The following KANK1 variants were observed in gnomAD, a reference collection of about 807,000 sequenced individuals.
KANK1 encodes KN motif and ankyrin repeat domain-containing protein 1.
KANK1 carries 109 observed loss-of-function variants against 106.2 expected under a neutral mutation model. The observed-to-expected ratio is 1.03, with a 90% CI of 0.88 to 1.20. The LOEUF is 1.20. KANK1 is among the 50% of genes most tolerant of loss of function. The probability of loss-of-function intolerance (pLI) is 0.00; values close to 1 mark genes in which losing one functional copy is unlikely to be tolerated. For missense variants in KANK1, 2,399 were observed against 1,710.7 expected (o/e 1.40, Z -7.10); for synonymous variants, 873 against 652.2 (o/e 1.34, Z -5.16).
chr9:489,200 T>G (rs2058341014), intron 3 of KANK1: 1 of 152,140 alleles, frequency 6.6e-6, no homozygotes, highest in Non-Finnish European at 1.5e-5. Context: ...TTTTCAAAAT[T>G]CATAGGCCTG....
At chr9:613,423 G>A (rs1439009174) in intron 1 of KANK1, among the ~76,000 whole-genome samples, 2 of 151,754 alleles carry the variant, frequency 1.3e-5, no homozygotes, top group Non-Finnish European at 2.9e-5. Context: ...AGCTTTGAAT[G>A]CAGCCCAACA....
chr9:669,231 C>G (rs959430675), intron 1 of KANK1, among the ~76,000 whole-genome samples: 2 of 152,070 alleles, frequency 1.3e-5, no homozygotes, highest in African/African-American at 4.8e-5. Context: ...TTATGGGTAA[C>G]TTATGGGTGG....
At chr9:537,095 A>G (rs1042066630) in intron 1 of KANK1, among the ~76,000 whole-genome samples, 3 of 152,188 alleles carry the variant, frequency 2.0e-5, no homozygotes, top group African/African-American at 7.2e-5. Context: ...GAAATTAAGA[A>G]CTAAAACTAA....
intron 1 of KANK1, among the ~76,000 whole-genome samples, chr9:676,150 T>G (rs34147505): frequency 0.17 from 26,237 of 152,172 alleles, 2,440 homozygotes; most frequent in East Asian, 0.24. Flanking sequence ...CTTTGTGACC[T>G]GTATCTTGTG....
chr9:665,770 T>G (rs1027801245), intron 1 of KANK1, among the ~76,000 whole-genome samples: 2 of 152,228 alleles, frequency 1.3e-5, no homozygotes, highest in African/African-American at 4.8e-5. Flanking sequence ...TTTAACAATA[T>G]TCTTTCAATC....
chr9:485,822 G>T (rs1441540592), intron 3 of KANK1, among the ~76,000 whole-genome samples: 1 of 148,072 alleles, frequency 6.8e-6, no homozygotes, highest in African/African-American at 2.5e-5. Context: ...AGTGAGCCAA[G>T]ATCGTGTCAC....
rs12001430 is a variant in KANK1, at chr9:495,053, A to C, written c.-362+21780A>C. Among the ~76,000 whole-genome samples, 1,274 of 152,340 alleles carry C rather than the reference A, an allele frequency of 8.4e-3. 17 individuals carry two copies. Among genetic ancestry groups the C allele is most frequent in the African/African-American group, 0.028 (1,164 of 41,580 alleles). On this transcript the variant is annotated intron_variant, in intron 3 of 15. Transcript: ENST00000382303. ...CTAGGTGAACTTACTTGTTTAGATA[A>C]TAACTTTCTAGAATTCTGTGTGTTT...
chr9:651,125 C>T (rs1025376651), intron 1 of KANK1, among the ~76,000 whole-genome samples: 1 of 152,018 alleles, frequency 6.6e-6, no homozygotes, highest in African/African-American at 2.4e-5. Context: ...TTTTCGGAAC[C>T]CCTTCAATTG....
Position 629,799 on chromosome 9 carries a change from A to G in KANK1, c.-83-47091A>G, listed in dbSNP as rs146966113. On this transcript the variant is annotated intron_variant, in intron 1 of 11. Transcript: ENST00000382297. The stretch of plus-strand genomic sequence containing the variant: ...AGAGAGGAGAATTAGACGAATGGGC[A>G]CCCCAATCAGTGATTCAGGGAGAGG... Among the ~76,000 whole-genome samples the G allele has an allele frequency of 9.4e-3, 1,427 of 152,296 alleles. 28 individuals carry two copies. Among genetic ancestry groups the G allele is most frequent in the African/African-American group, 0.033 (1,363 of 41,554 alleles).
At chr9:687,605 C>T (rs2139323057) in intron 2 of KANK1, among the ~76,000 whole-genome samples, 1 of 152,182 alleles carries the variant, frequency 6.6e-6, no homozygotes, top group Admixed American at 6.5e-5. Flanking sequence ...CAGCCCCACC[C>T]TGCCCTGTTC....
At chr9:630,112 G>C (rs761242957) in intron 1 of KANK1, among the ~76,000 whole-genome samples, 2 of 152,154 alleles carry the variant, frequency 1.3e-5, no homozygotes, top group Admixed American at 6.5e-5. Context: ...AGCAGACGTG[G>C]TGGCATGTGC....
chr9:731,531 C>T (rs530072213), intron 5 of KANK1: 30 of 279,088 alleles, frequency 1.1e-4, no homozygotes, highest in Admixed American at 1.5e-4. Context: ...TAGTCTTCAG[C>T]GAACGCAGCA....
chr9:620,105 C>T (rs1401568547), intron 1 of KANK1, among the ~76,000 whole-genome samples: 1 of 150,912 alleles, frequency 6.6e-6, no homozygotes, highest in Non-Finnish European at 1.5e-5. Context: ...GCACTCCAGC[C>T]TGGGCAACAG....
intron 1 of KANK1, among the ~76,000 whole-genome samples, chr9:572,152 T>A (rs926338406): frequency 2.2e-4 from 23 of 105,902 alleles, no homozygotes; most frequent in Admixed American, 3.6e-4. Context: ...AAACAGTGAT[T>A]TTTTTTTTTT....
rs1023774450 is a variant in KANK1 at position 530,223 on chromosome 9, A to C, written c.-84+25469A>C. On this transcript the variant is annotated intron_variant, in intron 1 of 11. Coordinates refer to ENST00000382297, the MANE Select transcript of KANK1 (RefSeq NM_015158.5). ...GATTCGGGTTATATTACATTTTTCC[A>C]TGTTGGTGAATTTATTAGCAGCTTA... Among the ~76,000 whole-genome samples, 3 of 152,124 alleles carry C rather than the reference A, an allele frequency of 2.0e-5. No homozygotes were observed. The East Asian group carries it at 5.8e-4, about 29-fold the overall frequency.
At chr9:502,833 CTATT>C (rs1002624787), upstream of KANK1, among the ~76,000 whole-genome samples, 13 of 151,622 alleles carry the variant, frequency 8.6e-5, no homozygotes, top group South Asian at 8.3e-4. Flanking sequence ...GTCGAGGGCA[CTATT>C]TATTTATTTA....
At chr9:612,185 T>C (rs970523242) in intron 1 of KANK1, among the ~76,000 whole-genome samples, 1 of 152,228 alleles carries the variant, frequency 6.6e-6, no homozygotes, top group Non-Finnish European at 1.5e-5. Flanking sequence ...ATCTGTTGTT[T>C]TGTGCTTTTG....
chr9:529,963 A>G (rs2059984210), intron 1 of KANK1, among the ~76,000 whole-genome samples: 1 of 152,192 alleles, frequency 6.6e-6, no homozygotes, highest in Non-Finnish European at 1.5e-5. Context: ...ACATTTCTTA[A>G]TCTTTACCAA....
At chr9:493,092 A>C (rs1012439543) in intron 3 of KANK1, among the ~76,000 whole-genome samples, 1 of 151,488 alleles carries the variant, frequency 6.6e-6, no homozygotes, top group African/African-American at 2.4e-5. Flanking sequence ...CCTGTCTCTG[A>C]ATATTCACAT....
Sources: allele counts gnomAD v4.1 joint callset (sites outside exome capture counted in the v4.1 genomes callset), GRCh38; gene constraint gnomAD v4.1.1; transcripts MANE v1.5; gene names NCBI Gene and HGNC (gene_info 2026-07-23, HGNC 2026-07-21).